CTNNA3: variants seen among roughly 807,000 people sequenced by gnomAD.
The protein encoded by CTNNA3 is catenin alpha 3.
In CTNNA3, 76 loss-of-function variants were observed where a neutral mutation model predicts 95.7. That is an observed-to-expected ratio of 0.79 (90% CI 0.66 to 0.96). The LOEUF is 0.96. Among genes scored for constraint, CTNNA3 ranks in the 40% least tolerant of loss-of-function variants. The probability of loss-of-function intolerance (pLI) is 0.00; values close to 1 mark genes in which losing one functional copy is unlikely to be tolerated. For synonymous variants in CTNNA3, 431 were observed against 374.4 expected (o/e 1.15, Z -1.74); for missense variants, 1,191 against 1,089.8 (o/e 1.09, Z -1.31).
intron 11 of CTNNA3, among the ~76,000 whole-genome samples, chr10:66,442,352 G>GT (rs72110471): frequency 4.6e-4 from 69 of 151,200 alleles, no homozygotes; most frequent in Admixed American, 4.0e-4. Context: ...TATGGATTAG[G>GT]TTTTTTTTTC....
rs540013443 is a variant in CTNNA3 at position 66,104,446 on chromosome 10, A to AT, written c.1885-1198dup. Among the ~76,000 whole-genome samples the AT allele has an allele frequency of 9.2e-5, 14 of 152,104 alleles. No individual in the cohort carries two copies. In the South Asian group the frequency reaches 1.2e-3, roughly 14 times the overall value. Reference sequence around the variant, plus strand: ...AGTGCACAAGGTCTCAACTTAATATATTTTTTTTATTTCAATAGCTTTGGG... The same window carrying AT: ...AGTGCACAAGGTCTCAACTTAATATATTTTTTTTTATTTCAATAGCTTTGGG... On this transcript the variant is annotated intron_variant, in intron 13 of 17. Coordinates refer to ENST00000433211, the MANE Select transcript of CTNNA3 (RefSeq NM_013266.4).
chr10:66,461,834 A>ATTTT (rs2093531881), intron 11 of CTNNA3, among the ~76,000 whole-genome samples: 1 of 138,474 alleles, frequency 7.2e-6, no homozygotes. Flanking sequence ...TTTTTTTGAG[A>ATTTT]TGGAGTCTCC....
intron 13 of CTNNA3, among the ~76,000 whole-genome samples, chr10:66,271,774 T>C (rs1427968370): frequency 6.6e-6 from 1 of 152,164 alleles, no homozygotes; most frequent in African/African-American, 2.4e-5. Context: ...CCCCTGCCAG[T>C]CCAGTGGTGT....
At chr10:67,385,075 A>G (rs1844099223) in intron 5 of CTNNA3, among the ~76,000 whole-genome samples, 1 of 152,194 alleles carries the variant, frequency 6.6e-6, no homozygotes, top group Non-Finnish European at 1.5e-5. Flanking sequence ...ATGCTACCAA[A>G]AAAGGGCCTA....
At chr10:66,846,782 A>T (rs1348755690) in intron 7 of CTNNA3, among the ~76,000 whole-genome samples, 2 of 152,180 alleles carry the variant, frequency 1.3e-5, no homozygotes, top group African/African-American at 4.8e-5. Flanking sequence ...GGTCATAGCC[A>T]TTTGTAGTAT....
intron 1 of CTNNA3, among the ~76,000 whole-genome samples, chr10:67,727,905 T>C (rs1462593336): frequency 8.8e-6 from 1 of 113,782 alleles, no homozygotes; most frequent in African/African-American, 4.1e-5. Flanking sequence ...ATGTATAATA[T>C]ATTATGTATA....
chr10:66,054,979 C>A (rs1247399618), intron 15 of CTNNA3, among the ~76,000 whole-genome samples: 3 of 152,100 alleles, frequency 2.0e-5, no homozygotes, highest in Non-Finnish European at 4.4e-5. Flanking sequence ...TGAAGATACT[C>A]TCCTTTTCCC....
At chr10:67,043,911 C>A (rs986157332) in intron 7 of CTNNA3, among the ~76,000 whole-genome samples, 1 of 142,392 alleles carries the variant, frequency 7.0e-6, no homozygotes, top group African/African-American at 2.5e-5. Flanking sequence ...AATTTTAATG[C>A]AAAAATAATC....
chr10:66,153,117 T>C (rs2084290653), intron 13 of CTNNA3, among the ~76,000 whole-genome samples: 1 of 151,992 alleles, frequency 6.6e-6, no homozygotes, highest in African/African-American at 2.4e-5. Context: ...AAAATGTTTC[T>C]TTTTCAAATA....
intron 15 of CTNNA3, among the ~76,000 whole-genome samples, chr10:65,998,302 C>A (rs1293058056): frequency 6.6e-6 from 1 of 152,180 alleles, no homozygotes; most frequent in African/African-American, 2.4e-5. Flanking sequence ...TGGATCCTTT[C>A]ACCAAGAGCT....
intron 5 of CTNNA3, among the ~76,000 whole-genome samples, chr10:67,512,941 C>T (rs1440662317): frequency 2.6e-5 from 4 of 152,080 alleles, no homozygotes; most frequent in Admixed American, 1.3e-4. Context: ...GCCAAGATCG[C>T]GTCACTGACT....
chr10:66,102,333 T>C (rs2081668567), intron 14 of CTNNA3, among the ~76,000 whole-genome samples: 1 of 152,160 alleles, frequency 6.6e-6, no homozygotes, highest in African/African-American at 2.4e-5. Flanking sequence ...CTAGGCACTA[T>C]ATAAGTGGTC....
At chr10:66,043,253 A>G (rs2079746309) in intron 15 of CTNNA3, among the ~76,000 whole-genome samples, 1 of 121,490 alleles carries the variant, frequency 8.2e-6, no homozygotes, top group African/African-American at 2.6e-5. Flanking sequence ...CACGAAAAAG[A>G]AAGTACAAAA....
intron 13 of CTNNA3, among the ~76,000 whole-genome samples, chr10:66,145,332 A>G (rs76506377): frequency 3.7e-4 from 57 of 152,314 alleles, no homozygotes; most frequent in African/African-American, 1.3e-3. Context: ...ATGTACAGGT[A>G]AACTAGAGTG....
intron 13 of CTNNA3, among the ~76,000 whole-genome samples, chr10:66,225,850 TA>T (rs2089255437): frequency 6.6e-6 from 1 of 152,094 alleles, no homozygotes; most frequent in Non-Finnish European, 1.5e-5. Context: ...TAAATATACT[TA>T]TTAGCCACTC....
At chr10:66,538,882 G>C (rs1841748834) in intron 10 of CTNNA3, among the ~76,000 whole-genome samples, 1 of 152,016 alleles carries the variant, frequency 6.6e-6, no homozygotes, top group African/African-American at 2.4e-5. Flanking sequence ...TTTCATAATG[G>C]TGTTTTTAAA....
chr10:67,640,662 G>A (rs896130421), intron 2 of CTNNA3, among the ~76,000 whole-genome samples: 2 of 152,142 alleles, frequency 1.3e-5, no homozygotes, highest in South Asian at 2.1e-4. Flanking sequence ...CAGAGATATC[G>A]ACCAATGGAA....
intron 9 of CTNNA3, among the ~76,000 whole-genome samples, chr10:66,708,940 AT>A (rs1848206789): frequency 6.6e-6 from 1 of 151,876 alleles, no homozygotes; most frequent in Non-Finnish European, 1.5e-5. Context: ...TCTATCTTGT[AT>A]TTTCTCTTTT....
At chr10:66,567,393 A>G (rs1387356008) in intron 10 of CTNNA3, among the ~76,000 whole-genome samples, 1 of 152,028 alleles carries the variant, frequency 6.6e-6, no homozygotes, top group African/African-American at 2.4e-5. Flanking sequence ...CCAAGGCAGG[A>G]GAATTGCTTG....
Sources: gnomAD v4.1 joint callset for allele counts (sites outside exome capture counted in the v4.1 genomes callset) on GRCh38, gnomAD v4.1.1 for gene constraint, MANE v1.5 for transcripts, NCBI Gene and HGNC (gene_info 2026-07-23, HGNC 2026-07-21) for gene names.